Variants in CLSTN2 observed in about 807,000 individuals in gnomAD.
CLSTN2 encodes the protein calsyntenin-2.
Under a neutral mutation model 101.2 loss-of-function variants are expected in CLSTN2, and 48 were observed. The observed-to-expected ratio is 0.47, with a 90% CI of 0.38 to 0.60. CLSTN2 has a LOEUF of 0.60. Ranked by LOEUF, CLSTN2 falls within the 20% of genes least tolerant of loss-of-function variation. The pLI is 0.00. For synonymous variants in CLSTN2, 481 were observed against 463.6 expected (o/e 1.04, Z -0.48); for missense variants, 1,160 against 1,238.2 (o/e 0.94, Z 0.95).
intron 1 of CLSTN2, among the ~76,000 whole-genome samples, chr3:140,052,415 C>T (rs1416146011): frequency 1.3e-5 from 2 of 152,196 alleles, no homozygotes; most frequent in Admixed American, 1.3e-4. Context: ...CTCGGCCTCC[C>T]AAAGTGCTGA....
At chr3:140,105,680 C>T (rs1269658832) in intron 1 of CLSTN2, among the ~76,000 whole-genome samples, 1 of 152,142 alleles carries the variant, frequency 6.6e-6, no homozygotes, top group Non-Finnish European at 1.5e-5. Context: ...TTCATCAGAC[C>T]CCCGGCACCA....
rs186330575 is a variant in CLSTN2 at position 140,009,406 on chromosome 3, C to G, written c.109+73923C>G. 5.4e-4 allele frequency among the ~76,000 whole-genome samples: 82 copies of G among 152,144 alleles called. 1 individual carries two copies. Among genetic ancestry groups the G allele is most frequent in the Admixed American group, 4.7e-3 (72 of 15,284 alleles). ...AATTCAGAAAAGAATTTAAAATCACCAATAATCTCTTCACCCAGAAATAAT... is the reference window on the plus strand; with the variant it reads ...AATTCAGAAAAGAATTTAAAATCACGAATAATCTCTTCACCCAGAAATAAT... On this transcript the variant is annotated intron_variant, in intron 1 of 16. Transcript: ENST00000458420.
rs11459920 is a variant in CLSTN2 at position 140,301,902 on chromosome 3, AT to A, written c.233-101714del. 2.7e-3 allele frequency among the ~76,000 whole-genome samples: 398 copies of A among 146,256 alleles called. 1 individual carries two copies. Among genetic ancestry groups the A allele is most frequent in the Admixed American group, 4.7e-3 (69 of 14,618 alleles). On this transcript the variant is annotated intron_variant, in intron 2 of 16. Transcript: ENST00000458420. ...TAGAATTTCCTCAAACCATTATAGT[AT>A]TTTTTTTTTTTTGGAAAAGAGTCTT... is the stretch of plus-strand genomic sequence containing the variant.
intron 1 of CLSTN2, among the ~76,000 whole-genome samples, chr3:139,957,454 C>G (rs368066445): frequency 2.6e-5 from 4 of 152,142 alleles, no homozygotes; most frequent in African/African-American, 9.6e-5. Context: ...TCAACTCTAA[C>G]CTGTATATGC....
intron 2 of CLSTN2, among the ~76,000 whole-genome samples, chr3:140,388,272 T>C (rs1483506944): frequency 6.6e-6 from 1 of 152,240 alleles, no homozygotes; most frequent in African/African-American, 2.4e-5. Context: ...ATGAGCAAGT[T>C]AGACTCACTT....
chr3:139,954,302 T>A (rs2107811609), intron 1 of CLSTN2, among the ~76,000 whole-genome samples: 1 of 152,322 alleles, frequency 6.6e-6, no homozygotes, highest in East Asian at 1.9e-4. Context: ...TGTGGGGCAT[T>A]TGGAGAATAC....
chr3:140,441,305 C>G (rs1334039469), intron 5 of CLSTN2, among the ~76,000 whole-genome samples: 3 of 152,140 alleles, frequency 2.0e-5, no homozygotes, highest in African/African-American at 7.2e-5. Context: ...TAGTACCTGC[C>G]CCTAGGAGAT....
At chr3:140,175,449 A>G (rs972391162) in intron 1 of CLSTN2, among the ~76,000 whole-genome samples, 2 of 152,194 alleles carry the variant, frequency 1.3e-5, no homozygotes, top group African/African-American at 4.8e-5. Context: ...ATACATGTAT[A>G]CATGTATTTA....
intron 8 of CLSTN2, chr3:140,507,060 G>A (rs984399207): frequency 1.3e-5 from 2 of 152,168 alleles, no homozygotes; most frequent in Non-Finnish European, 2.9e-5. Flanking sequence ...ATGGGGTGAT[G>A]AGGAACATCG....
intron 2 of CLSTN2, among the ~76,000 whole-genome samples, chr3:140,191,261 C>G (rs2010563218): frequency 1.3e-5 from 2 of 151,902 alleles, no homozygotes; most frequent in African/African-American, 2.4e-5. Context: ...TAGACTAAAT[C>G]CTACTCAATT....
chr3:140,530,376 G>A (rs1213904533), intron 8 of CLSTN2, among the ~76,000 whole-genome samples: 9 of 152,284 alleles, frequency 5.9e-5, no homozygotes, highest in East Asian at 3.9e-4. Context: ...TTTCAGTAAG[G>A]TTGAAAAGTT....
rs1373123448 is a variant in CLSTN2 at position 140,570,369 on chromosome 3, C to T, written c.*4116C>T. Reference sequence around the variant, plus strand: ...ATACAGTTTAACAGGATTTACATAGCATTTACACTGTATTAGGTATTATAA... The same window carrying T: ...ATACAGTTTAACAGGATTTACATAGTATTTACACTGTATTAGGTATTATAA... On this transcript the variant is annotated 3_prime_UTR_variant, in exon 17 of 17. Transcript: ENST00000458420. 6.6e-6 allele frequency: 1 copy of T among 152,160 alleles called. No individual in the cohort carries two copies. Among genetic ancestry groups the T allele is most frequent in the Non-Finnish European group, 1.5e-5 (1 of 68,028 alleles). The allele number at this position is 152,160 out of a possible 1,614,324, so 9.4% of individuals were successfully genotyped here. A position where few individuals can be genotyped will look rare whatever the true frequency, so the allele number is the denominator to read the frequency against.
intron 1 of CLSTN2, among the ~76,000 whole-genome samples, chr3:140,033,346 G>A (rs527976566): frequency 6.6e-6 from 1 of 152,310 alleles, no homozygotes; most frequent in Admixed American, 6.5e-5. Flanking sequence ...TTTATTGAGT[G>A]CCTTTCTTAT....
intron 2 of CLSTN2, among the ~76,000 whole-genome samples, chr3:140,402,253 C>A (rs1249722834): frequency 6.6e-6 from 1 of 152,074 alleles, no homozygotes; most frequent in Non-Finnish European, 1.5e-5. Context: ...CCAGGCAATC[C>A]ATGGAGTGGT....
At chr3:140,265,799 G>A (rs890566479) in intron 2 of CLSTN2, among the ~76,000 whole-genome samples, 4 of 152,100 alleles carry the variant, frequency 2.6e-5, no homozygotes, top group African/African-American at 9.7e-5. Flanking sequence ...CATATCAAAG[G>A]GACACTCAGG....
chr3:140,537,997 G>A (rs1375793129), intron 9 of CLSTN2, among the ~76,000 whole-genome samples: 1 of 138,482 alleles, frequency 7.2e-6, no homozygotes, highest in African/African-American at 3.1e-5. Context: ...CATGACCAGA[G>A]CAACTCTGTT....
At chr3:140,097,971 C>G (rs2008899811) in intron 1 of CLSTN2, among the ~76,000 whole-genome samples, 1 of 152,052 alleles carries the variant, frequency 6.6e-6, no homozygotes, top group African/African-American at 2.4e-5. Context: ...TTGTAAATGC[C>G]TATACAATGC....
At chr3:140,531,164 C>G (rs1935248451) in intron 8 of CLSTN2, among the ~76,000 whole-genome samples, 1 of 152,142 alleles carries the variant, frequency 6.6e-6, no homozygotes, top group Non-Finnish European at 1.5e-5. Flanking sequence ...GGGTCAGGAC[C>G]TCTCACTGAG....
chr3:140,043,650 G>A (rs1265892425), intron 1 of CLSTN2, among the ~76,000 whole-genome samples: 1 of 152,078 alleles, frequency 6.6e-6, no homozygotes, highest in Non-Finnish European at 1.5e-5. Flanking sequence ...GGGTTTTTAT[G>A]GTTTTAGGTC....
Sources: allele counts gnomAD v4.1 joint callset (sites outside exome capture counted in the v4.1 genomes callset), GRCh38; gene constraint gnomAD v4.1.1; transcripts MANE v1.5; gene names NCBI Gene and HGNC (gene_info 2026-07-23, HGNC 2026-07-21).